CTPS2: variants seen among roughly 807,000 people sequenced by gnomAD.
CTPS2 encodes the protein CTP synthase 2, also known as CTP synthase II.
A neutral mutation model predicts 46.8 loss-of-function variants in CTPS2; 19 were observed. The ratio of observed to expected loss-of-function variants is 0.41; its 90% CI spans 0.28 to 0.60. CTPS2 has a LOEUF of 0.60. Among genes scored for constraint, CTPS2 ranks in the 20% least tolerant of loss-of-function variants. The pLI is 0.35. For missense variants in CTPS2, 286 were observed against 447.6 expected, an observed-to-expected ratio of 0.64 and a Z score of 3.26; for synonymous variants, 151 against 165.2, an observed-to-expected ratio of 0.91 and a Z score of 0.66.
chrX:16,707,999 A>AAG (rs200341208), intron 1 of CTPS2, among the ~76,000 whole-genome samples: 4,265 of 110,141 alleles, frequency 0.039, 217 homozygotes, highest in African/African-American at 0.13. Flanking sequence ...AAAAAATAAA[A>AAG]AGAGAGAGAG....
intron 10 of CTPS2, among the ~76,000 whole-genome samples, chrX:16,673,878 C>T (rs888370269): frequency 9.0e-6 from 1 of 111,358 alleles, no homozygotes; most frequent in Admixed American, 9.6e-5. Context: ...AAGTTGAAAG[C>T]CATGCCCCCT....
chrX:16,690,208 T>C (rs887795593), intron 7 of CTPS2, among the ~76,000 whole-genome samples: 11 of 108,132 alleles, frequency 1.0e-4, no homozygotes, highest in African/African-American at 3.7e-4. Context: ...CCATCTCTAC[T>C]AAAAATACAA....
chrX:16,591,750 G>T (rs936877260), intron 17 of CTPS2, among the ~76,000 whole-genome samples: 2 of 110,869 alleles, frequency 1.8e-5, no homozygotes, highest in African/African-American at 6.6e-5. Context: ...ACCCCGGAAG[G>T]ATTTTCTGAC....
At chrX:16,656,479 G>A (rs1351727227) in intron 13 of CTPS2, among the ~76,000 whole-genome samples, 2 of 108,229 alleles carry the variant, frequency 1.8e-5, no homozygotes, top group African/African-American at 6.8e-5. Context: ...GCGCCATCTC[G>A]GCTCACTGCA....
chrX:16,645,493 C>T (rs1225399952), intron 13 of CTPS2, among the ~76,000 whole-genome samples: 1 of 111,398 alleles, frequency 9.0e-6, no homozygotes, highest in Non-Finnish European at 1.9e-5. Flanking sequence ...TCCTGCCTGA[C>T]AGAGTCCTGC....
intron 13 of CTPS2, among the ~76,000 whole-genome samples, chrX:16,650,557 C>A (rs1299392969): frequency 3.0e-5 from 3 of 98,494 alleles, no homozygotes; most frequent in Non-Finnish European, 4.1e-5. Context: ...CGCTCTGTCA[C>A]CCAGGCTGGA....
chrX:16,667,587 C>T (rs1403094328), intron 12 of CTPS2, 30 bp from the exon 13 acceptor site: 2 of 1,205,642 alleles, frequency 1.7e-6, no homozygotes, highest in East Asian at 5.9e-5. Context: ...TTCAGTAATT[C>T]ACCAATAGTG....
chrX:16,681,470 C>T (rs1922739240), intron 9 of CTPS2, among the ~76,000 whole-genome samples: 2 of 111,810 alleles, frequency 1.8e-5, no homozygotes, highest in African/African-American at 6.5e-5. Context: ...TATAAATATA[C>T]GTATCCAACT....
At chrX:16,675,405 G>A (rs1236106253) in intron 10 of CTPS2, among the ~76,000 whole-genome samples, 1 of 111,876 alleles carries the variant, frequency 8.9e-6, no homozygotes, top group East Asian at 2.8e-4. Context: ...ATGCACTAAT[G>A]CAATGGTGAA....
At chrX:16,664,266 T>C (rs766068784) in intron 13 of CTPS2, among the ~76,000 whole-genome samples, 5 of 112,360 alleles carry the variant, frequency 4.4e-5, no homozygotes, top group Non-Finnish European at 1.9e-5. Context: ...AAGTATATCT[T>C]AGAAAAGAAA....
At chrX:16,644,757 T>C (rs1267402928) in intron 13 of CTPS2, among the ~76,000 whole-genome samples, 5 of 112,626 alleles carry the variant, frequency 4.4e-5, no homozygotes, top group Admixed American at 9.4e-5. Context: ...TTTAAGCCAC[T>C]GTGTTTGTGG....
chrX:16,631,113 C>T (rs1455974008), intron 14 of CTPS2, among the ~76,000 whole-genome samples: 1 of 111,864 alleles, frequency 8.9e-6, no homozygotes, highest in African/African-American at 3.2e-5. Context: ...CTTCAGGAGG[C>T]CGAGGCGGGT....
chrX:16,593,686 T>C (rs1377923758), intron 17 of CTPS2, among the ~76,000 whole-genome samples: 1 of 53,988 alleles, frequency 1.9e-5, no homozygotes, highest in Non-Finnish European at 3.5e-5. Context: ...GCGTAGGTGG[T>C]GGCGGGGGTG....
At chrX:16,688,176 T>C (rs1450502626) in intron 8 of CTPS2, among the ~76,000 whole-genome samples, 1 of 111,581 alleles carries the variant, frequency 9.0e-6, no homozygotes, top group Non-Finnish European at 1.9e-5. Flanking sequence ...GACAGGCGAA[T>C]CGCCTGAGGT....
intron 1 of CTPS2, among the ~76,000 whole-genome samples, chrX:16,710,681 C>T (rs1477860751): frequency 9.0e-6 from 1 of 111,704 alleles, no homozygotes; most frequent in Non-Finnish European, 1.9e-5. Context: ...TGCAATGACA[C>T]GATCTGGGCT....
At chrX:16,708,695 A>C (rs956752753) in intron 1 of CTPS2, among the ~76,000 whole-genome samples, 1 of 111,395 alleles carries the variant, frequency 9.0e-6, no homozygotes, top group African/African-American at 3.3e-5. Flanking sequence ...GGGGCAAATA[A>C]ACTGTGCTTT....
intron 17 of CTPS2, among the ~76,000 whole-genome samples, chrX:16,603,461 C>G (rs1002432933): frequency 2.9e-4 from 19 of 65,498 alleles, no homozygotes; most frequent in East Asian, 2.5e-3. Context: ...ATAAATAAAA[C>G]CAAAATGGAG....
intron 14 of CTPS2, chrX:16,638,719 A>G (rs1261953531): frequency 3.4e-6 from 1 of 292,174 alleles, no homozygotes; most frequent in African/African-American, 2.8e-5. Context: ...TCCTACTCGG[A>G]AGTTCATTTG....
chrX:16,663,366 C>T (rs919528976), intron 13 of CTPS2, among the ~76,000 whole-genome samples: 2 of 111,270 alleles, frequency 1.8e-5, no homozygotes, highest in African/African-American at 6.6e-5. Flanking sequence ...AGGCTGCTCT[C>T]AAACTCCAAG....
Sources: gnomAD v4.1 joint callset for allele counts (sites outside exome capture counted in the v4.1 genomes callset) on GRCh38, gnomAD v4.1.1 for gene constraint, MANE v1.5 for transcripts, NCBI Gene and HGNC (gene_info 2026-07-23, HGNC 2026-07-21) for gene names.